COL21A1: variants seen among roughly 807,000 people sequenced by gnomAD.
The protein encoded by COL21A1 is collagen type XXI alpha 1 chain.
Under a neutral mutation model 137.9 loss-of-function variants are expected in COL21A1, and 149 were observed. That is an observed-to-expected ratio of 1.08 (90% CI 0.95 to 1.24). The LOEUF (loss-of-function observed/expected upper bound fraction) is 1.24. Among genes scored for constraint, COL21A1 ranks in the 50% most tolerant of loss-of-function variants. The probability of loss-of-function intolerance (pLI) is 0.00; values close to 1 mark genes in which losing one functional copy is unlikely to be tolerated. For synonymous variants in COL21A1, 456 were observed against 391.5 expected, an observed-to-expected ratio of 1.16 and a Z score of -1.95; for missense variants, 1,167 against 1,158.4, an observed-to-expected ratio of 1.01 and a Z score of -0.11.
rs866815277 is a variant in COL21A1 at position 56,106,545 on chromosome 6, A to G, written c.1759-5020T>C. Among the ~76,000 whole-genome samples, 29 of 152,348 alleles carry G rather than the reference A, an allele frequency of 1.9e-4. 1 individual carries two copies. The highest frequency in any genetic ancestry group is 3.4e-3 in the Middle Eastern group (1 of 294). On this transcript the variant is annotated intron_variant, in intron 16 of 29. Coordinates refer to ENST00000244728, the MANE Select transcript of COL21A1 (RefSeq NM_030820.4). The stretch of plus-strand genomic sequence containing the variant: ...AAAGAAACTTCTAACTTCATTATAC[A>G]TAAAAGAAGAGAGAATCTACAACTA...
intron 1 of COL21A1, among the ~76,000 whole-genome samples, chr6:56,376,113 A>C (rs941629449): frequency 8.5e-5 from 13 of 152,222 alleles, no homozygotes; most frequent in Non-Finnish European, 1.9e-4. Context: ...AGTGGGATAA[A>C]ACAAGTAGAG....
At chr6:56,095,604 C>A (rs1769241917) in intron 17 of COL21A1, among the ~76,000 whole-genome samples, 2 of 152,170 alleles carry the variant, frequency 1.3e-5, no homozygotes, top group South Asian at 4.1e-4. Context: ...GTTTCTGTCA[C>A]TTCCCTTTCA....
At chr6:56,372,266 A>T (rs4140500) in intron 1 of COL21A1, among the ~76,000 whole-genome samples, 57,906 of 152,058 alleles carry the variant, frequency 0.38, 11,655 homozygotes, top group Non-Finnish European at 0.45. Context: ...TCATGCTCTC[A>T]TTAGCTGAGA....
chr6:56,060,705 G>T, intron 27 of COL21A1, 36 bp downstream of exon 27: 2 of 1,532,566 alleles, frequency 1.3e-6, no homozygotes, highest in South Asian at 1.2e-5. Context: ...TTTGTAATTT[G>T]AGAAAAGTTA....
At chr6:56,082,144 A>T (rs1349954427) in intron 17 of COL21A1, among the ~76,000 whole-genome samples, 1 of 151,954 alleles carries the variant, frequency 6.6e-6, no homozygotes, top group Non-Finnish European at 1.5e-5. Context: ...TTAAAATAAC[A>T]AACCCGAAAA....
At chr6:56,059,805 T>C (rs1256787097) in intron 28 of COL21A1, among the ~76,000 whole-genome samples, 2 of 152,172 alleles carry the variant, frequency 1.3e-5, no homozygotes, top group African/African-American at 4.8e-5. Flanking sequence ...AATTTGTAAG[T>C]TTATGTGTTC....
chr6:56,283,600 A>G (rs944883981), intron 1 of COL21A1, among the ~76,000 whole-genome samples: 6 of 152,158 alleles, frequency 3.9e-5, no homozygotes, highest in Admixed American at 1.3e-4. Context: ...AAAGCAAATC[A>G]TTTCTGTAAT....
intron 1 of COL21A1, among the ~76,000 whole-genome samples, chr6:56,273,210 C>T (rs1562034651): frequency 1.3e-5 from 2 of 152,206 alleles, no homozygotes; most frequent in South Asian, 4.1e-4. Context: ...ACACAACTTA[C>T]CAAAATCTCT....
chr6:56,391,373 G>A (rs2094029318), intron 1 of COL21A1, among the ~76,000 whole-genome samples: 1 of 151,896 alleles, frequency 6.6e-6, no homozygotes, highest in South Asian at 2.1e-4. Flanking sequence ...AAATAACAAT[G>A]CATCATAAAG....
intron 1 of COL21A1, among the ~76,000 whole-genome samples, chr6:56,387,103 T>C (rs2094019592): frequency 6.6e-6 from 1 of 152,238 alleles, no homozygotes; most frequent in African/African-American, 2.4e-5. Context: ...ATGCGTTAAA[T>C]GCTTCTAAGG....
intron 17 of COL21A1, among the ~76,000 whole-genome samples, chr6:56,095,119 T>G (rs1769199365): frequency 6.6e-6 from 1 of 152,202 alleles, no homozygotes; most frequent in African/African-American, 2.4e-5. Flanking sequence ...TTTATTAATT[T>G]CTATTTTTAC....
intron 3 of COL21A1, among the ~76,000 whole-genome samples, chr6:56,176,196 TAAC>T (rs776946824): frequency 2.6e-5 from 4 of 152,104 alleles, no homozygotes; most frequent in Non-Finnish European, 5.9e-5. Context: ...AAAAGCTTCA[TAAC>T]ATCAGCCTCG....
intron 1 of COL21A1, among the ~76,000 whole-genome samples, chr6:56,194,722 G>A (rs558773854): frequency 6.6e-6 from 1 of 152,218 alleles, no homozygotes; most frequent in South Asian, 2.1e-4. Flanking sequence ...TATCTCAAAT[G>A]TTAAGGTGTA....
intron 1 of COL21A1, among the ~76,000 whole-genome samples, chr6:56,355,717 G>A (rs1267991751): frequency 6.6e-6 from 1 of 152,200 alleles, no homozygotes; most frequent in Non-Finnish European, 1.5e-5. Flanking sequence ...GGGAAGGATG[G>A]AGGAAGCATG....
chr6:56,093,195 G>C (rs975687556), intron 17 of COL21A1, among the ~76,000 whole-genome samples: 2 of 151,926 alleles, frequency 1.3e-5, no homozygotes, highest in Non-Finnish European at 2.9e-5. Flanking sequence ...CTGATGTCTC[G>C]GGGAAGGGTA....
At chr6:56,164,732 ATACT>A in intron 8 of COL21A1, 78 bp downstream of exon 8, 1 of 1,125,220 alleles carries the variant, frequency 8.9e-7, no homozygotes. Context: ...TCTAATATAC[ATACT>A]TACAGTTGTT....
chr6:56,260,623 G>C (rs1763231333), intron 1 of COL21A1, among the ~76,000 whole-genome samples: 1 of 83,276 alleles, frequency 1.2e-5, no homozygotes, highest in Non-Finnish European at 2.7e-5. Flanking sequence ...GAAAGAGAGA[G>C]AGAGGAAGGA....
intron 1 of COL21A1, among the ~76,000 whole-genome samples, chr6:56,308,472 A>C (rs1764523123): frequency 6.6e-6 from 1 of 152,246 alleles, no homozygotes; most frequent in Non-Finnish European, 1.5e-5. Flanking sequence ...GACGTAAGCC[A>C]GTCACCAAAA....
intron 1 of COL21A1, among the ~76,000 whole-genome samples, chr6:56,340,371 T>G (rs2152345075): frequency 6.7e-6 from 1 of 149,694 alleles, no homozygotes; most frequent in Middle Eastern, 3.4e-3. Flanking sequence ...GGGCAGGGAC[T>G]TGGGGCAAGG....
Sources: allele counts gnomAD v4.1 joint callset (sites outside exome capture counted in the v4.1 genomes callset), GRCh38; gene constraint gnomAD v4.1.1; transcripts MANE v1.5; gene names NCBI Gene and HGNC (gene_info 2026-07-23, HGNC 2026-07-21).